TMEM74: variants seen among roughly 807,000 people sequenced by gnomAD.
TMEM74 encodes the protein transmembrane protein 74.
In TMEM74, 13 loss-of-function variants were observed where a neutral mutation model predicts 18.1. The ratio of observed to expected loss-of-function variants is 0.72; its 90% CI spans 0.47 to 1.14. The LOEUF (loss-of-function observed/expected upper bound fraction) is 1.14. Among genes scored for constraint, TMEM74 ranks in the 50% most tolerant of loss-of-function variants. The probability of loss-of-function intolerance (pLI) is 0.00; values close to 1 mark genes in which losing one functional copy is unlikely to be tolerated. For missense variants in TMEM74, 372 were observed against 375.9 expected (o/e 0.99, Z 0.09); for synonymous variants, 159 against 146.6 (o/e 1.08, Z -0.61).
intron 1 of TMEM74, among the ~76,000 whole-genome samples, chr8:108,686,717 C>T (rs1365572447): frequency 6.6e-6 from 1 of 151,892 alleles, no homozygotes. Flanking sequence ...TGGCCCTAGA[C>T]CAAACTCATC....
rs545803078 is a variant in TMEM74, at chr8:108,729,117, T to G, written n.119+58359A>C. Among the ~76,000 whole-genome samples the G allele has an allele frequency of 3.8e-4, 58 of 152,344 alleles. No homozygotes were observed. In the South Asian group the frequency reaches 0.011, roughly 30 times the overall value. On this transcript the variant is annotated intron_variant and non_coding_transcript_variant, in intron 1 of 3. Transcript: ENST00000518838. ...GTTTCAATGGGCTAAAATCAACTTG[T>G]TAACAGAGCTGCATTCCTTACTGAA... is the stretch of plus-strand genomic sequence containing the variant.
chr8:108,647,670 A>G (rs1812733746), intron 2 of TMEM74, among the ~76,000 whole-genome samples: 1 of 152,118 alleles, frequency 6.6e-6, no homozygotes, highest in South Asian at 2.1e-4. Context: ...ATTCAATACA[A>G]CCTTTTTAAC....
intron 2 of TMEM74, among the ~76,000 whole-genome samples, chr8:108,627,385 G>A (rs1431711274): frequency 6.6e-6 from 1 of 151,936 alleles, no homozygotes; most frequent in Non-Finnish European, 1.5e-5. Context: ...CAATACAGAA[G>A]GAATCCAAAT....
At chr8:108,619,780 T>TA (rs964841791) in intron 2 of TMEM74, among the ~76,000 whole-genome samples, 2 of 152,170 alleles carry the variant, frequency 1.3e-5, no homozygotes, top group African/African-American at 4.8e-5. Flanking sequence ...GTTCAAAACG[T>TA]AAAAAAGTCA....
intron 1 of TMEM74, among the ~76,000 whole-genome samples, chr8:108,704,177 A>T (rs35892052): frequency 0.014 from 2,113 of 152,322 alleles, 34 homozygotes; most frequent in Non-Finnish European, 0.023. Context: ...AATAACAAGG[A>T]ATGCAAGAGG....
Position 108,636,658 on chromosome 8 carries a change from A to C in TMEM74, n.264+18635T>G, listed in dbSNP as rs980288808. Reference sequence around the variant, plus strand: ...TGAAGAACCCAACAGCCAGCATAAAAGGGGTCTGATTCCCCATCAAGTTTC... The same window carrying C: ...TGAAGAACCCAACAGCCAGCATAAACGGGGTCTGATTCCCCATCAAGTTTC... On this transcript the variant is annotated intron_variant and non_coding_transcript_variant, in intron 2 of 3. Coordinates refer to the TMEM74 transcript ENST00000518838. Among the ~76,000 whole-genome samples, 10 of 152,038 alleles carry C rather than the reference A, an allele frequency of 6.6e-5. No homozygotes were observed. In the South Asian group the frequency reaches 1.5e-3, roughly 22 times the overall value.
rs1190452309 is a variant in TMEM74 at position 108,756,600 on chromosome 8, A to AAGAAAGAGAAAGGG, written n.119+30875_119+30876insCCCTTTCTCTTTCT. On this transcript the variant is annotated intron_variant and non_coding_transcript_variant, in intron 1 of 3. Transcript: ENST00000518838. ...AGAAAGAAAGAAAGAAAGAAAGAGA[A>AAGAAAGAGAAAGGG]AGGAAGGAAGGAAGGAAGGAAGGAA... is the stretch of plus-strand genomic sequence containing the variant. Among the ~76,000 whole-genome samples the AAGAAAGAGAAAGGG allele has an allele frequency of 8.6e-3, 348 of 40,676 alleles. 9 individuals are homozygous for AAGAAAGAGAAAGGG. The highest frequency in any genetic ancestry group is 0.024 in the Middle Eastern group (2 of 84). 26.7% of individuals were successfully genotyped at this position (40,676 alleles called of 152,430 possible). A position where few individuals can be genotyped will look rare whatever the true frequency, so the allele number is the denominator to read the frequency against.
At chr8:108,681,861 G>A (rs1419615633) in intron 1 of TMEM74, among the ~76,000 whole-genome samples, 1 of 152,170 alleles carries the variant, frequency 6.6e-6, no homozygotes, top group Non-Finnish European at 1.5e-5. Context: ...TCATCACCTA[G>A]TCATGTTGAT....
At chr8:108,732,545 C>T (rs557414385) in intron 1 of TMEM74, among the ~76,000 whole-genome samples, 20 of 151,844 alleles carry the variant, frequency 1.3e-4, no homozygotes, top group Non-Finnish European at 2.6e-4. Flanking sequence ...ATAATAAAGA[C>T]GGATTAAAAT....
chr8:108,642,231 T>G (rs1812672748), intron 2 of TMEM74, among the ~76,000 whole-genome samples: 1 of 151,886 alleles, frequency 6.6e-6, no homozygotes, highest in Admixed American at 6.6e-5. Context: ...AAACCCTGTT[T>G]CTATGAAAAT....
intron 1 of TMEM74, among the ~76,000 whole-genome samples, chr8:108,726,501 C>T (rs1343116165): frequency 6.6e-6 from 1 of 152,082 alleles, no homozygotes; most frequent in Non-Finnish European, 1.5e-5. Flanking sequence ...TTGTGGAATG[C>T]CAGTTTTATA....
intron 1 of TMEM74, among the ~76,000 whole-genome samples, chr8:108,680,815 AAG>A (rs1813106150): frequency 1.3e-5 from 2 of 152,218 alleles, no homozygotes; most frequent in African/African-American, 4.8e-5. Flanking sequence ...AACTTCAGCA[AAG>A]CCTCAGGATA....
intron 2 of TMEM74, among the ~76,000 whole-genome samples, chr8:108,623,639 A>T (rs1376772675): frequency 6.6e-6 from 1 of 152,078 alleles, no homozygotes; most frequent in Non-Finnish European, 1.5e-5. Context: ...CTAATTGATC[A>T]GTTGCAAGTG....
chr8:108,726,509 A>G (rs1341934807), intron 1 of TMEM74, among the ~76,000 whole-genome samples: 1 of 152,218 alleles, frequency 6.6e-6, no homozygotes, highest in African/African-American at 2.4e-5. Context: ...TGCCAGTTTT[A>G]TAAGACGTTA....
At chr8:108,668,528 CT>C (rs140499649) in intron 1 of TMEM74, among the ~76,000 whole-genome samples, 41 of 152,282 alleles carry the variant, frequency 2.7e-4, no homozygotes, top group Non-Finnish European at 3.5e-4. Flanking sequence ...TCTGTGTCTA[CT>C]GGCCCTGTGA....
chr8:108,629,282 GA>G (rs1812526915), intron 2 of TMEM74, among the ~76,000 whole-genome samples: 1 of 151,886 alleles, frequency 6.6e-6, no homozygotes, highest in African/African-American at 2.4e-5. Context: ...CAAGATTAGA[GA>G]AAAAAGAATG....
chr8:108,702,343 TA>T (rs1242874088), intron 1 of TMEM74, among the ~76,000 whole-genome samples: 1,662 of 95,070 alleles, frequency 0.017, 14 homozygotes, highest in Middle Eastern at 0.062. Flanking sequence ...AGACTCCATC[TA>T]AAAAAAAAAA....
At chr8:108,737,917 A>G (rs527552826) in intron 1 of TMEM74, among the ~76,000 whole-genome samples, 1 of 152,326 alleles carries the variant, frequency 6.6e-6, no homozygotes, top group South Asian at 2.1e-4. Context: ...AAACTGGTAA[A>G]TATTAGGAGC....
chr8:108,682,894 G>T (rs6997685), intron 1 of TMEM74, among the ~76,000 whole-genome samples: 67,057 of 151,560 alleles, frequency 0.44, 15,229 homozygotes, highest in East Asian at 0.7. Flanking sequence ...ATCTATAGCA[G>T]ATTTAATCAA....
Sources: gnomAD v4.1 joint callset for allele counts (sites outside exome capture counted in the v4.1 genomes callset) on GRCh38, gnomAD v4.1.1 for gene constraint, MANE v1.5 for transcripts, NCBI Gene and HGNC (gene_info 2026-07-23, HGNC 2026-07-21) for gene names.